ITPR1: variants seen among roughly 807,000 people sequenced by gnomAD.
ITPR1 encodes the protein inositol 1,4,5-trisphosphate-gated calcium channel ITPR1.
ITPR1 carries 96 observed loss-of-function variants against 318.4 expected under a neutral mutation model. The observed-to-expected ratio is 0.30, with a 90% CI of 0.26 to 0.36. ITPR1 has a LOEUF of 0.36. ITPR1 is among the 10% of genes least tolerant of loss of function. The pLI is 1.00. For missense variants in ITPR1, 2,440 were observed against 3,460.2 expected, an observed-to-expected ratio of 0.71 and a Z score of 7.40; for synonymous variants, 1,312 against 1,289.9, an observed-to-expected ratio of 1.02 and a Z score of -0.37.
At chr3:4,605,120 C>T (rs960335226) in intron 4 of ITPR1, among the ~76,000 whole-genome samples, 21 of 152,092 alleles carry the variant, frequency 1.4e-4, no homozygotes, top group Admixed American at 6.5e-4. Flanking sequence ...TAGAGGCACA[C>T]GCCACCATGC....
chr3:4,777,356 C>A lies in ITPR1; in HGVS notation c.6273C>A (p.Asp2091Glu). 2 of 1,594,874 alleles carry A rather than the reference C, an allele frequency of 1.3e-6. No individual in the cohort carries two copies. The highest frequency in any genetic ancestry group is 1.7e-6 in the Non-Finnish European group (2 of 1,167,804). Residue 2091 changes from aspartate (D) to glutamate (E), a missense_variant, in exon 48 of 62, where the codon GAC becomes GAA. Around this residue, in one of 23 missense-constraint regions of ITPR1, gnomAD observed 76 missense variants for 162.1 expected, o/e 0.47. Transcript: ENST00000649015. ...DINPLGKKRM[D>E]LVLELKNNAS... is the part of the protein sequence containing the mutation. The stretch of plus-strand genomic sequence containing the variant: ...ATCCTTTGGGAAAGAAGAGGATGGA[C>A]CTTGTGTTAGAACTGAAGGCAAGTA...
At chr3:4,588,645 T>G (rs561193414) in intron 4 of ITPR1, among the ~76,000 whole-genome samples, 7 of 152,264 alleles carry the variant, frequency 4.6e-5, no homozygotes, top group African/African-American at 1.7e-4. Flanking sequence ...CTAACAGATT[T>G]GTTTCTCCAG....
intron 61 of ITPR1, among the ~76,000 whole-genome samples, chr3:4,840,666 T>C (rs2051278675): frequency 6.6e-6 from 1 of 152,218 alleles, no homozygotes; most frequent in Admixed American, 6.5e-5. Context: ...ACTTTTTCTA[T>C]TATTGCCAAG....
At chr3:4,713,073 C>G (rs150972175) in intron 39 of ITPR1, among the ~76,000 whole-genome samples, 20 of 151,822 alleles carry the variant, frequency 1.3e-4, no homozygotes, top group African/African-American at 4.8e-4. Flanking sequence ...CTCTTAAAAA[C>G]AAGAAAAGAA....
At chr3:4,718,093 A>AT (rs948014067) in intron 40 of ITPR1, among the ~76,000 whole-genome samples, 1 of 152,112 alleles carries the variant, frequency 6.6e-6, no homozygotes, top group African/African-American at 2.4e-5. Context: ...ACTAGTGGTC[A>AT]TTTTGTTTGG....
At chr3:4,764,652 G>T (rs2045689000) in intron 44 of ITPR1, among the ~76,000 whole-genome samples, 1 of 152,242 alleles carries the variant, frequency 6.6e-6, no homozygotes. Flanking sequence ...GGCATTGGTG[G>T]TGGGCCCAAA....
chr3:4,746,807 A>G (rs1376886166), intron 44 of ITPR1, among the ~76,000 whole-genome samples: 2 of 152,220 alleles, frequency 1.3e-5, no homozygotes, highest in African/African-American at 2.4e-5. Context: ...AACACATCGT[A>G]ACAGCTCATC....
chr3:4,567,892 C>T (rs559358159), intron 4 of ITPR1, among the ~76,000 whole-genome samples: 1 of 152,284 alleles, frequency 6.6e-6, no homozygotes, highest in East Asian at 1.9e-4. Flanking sequence ...GTGTGAGCCA[C>T]CGTGCCCCAC....
At chr3:4,736,277 A>G (rs1213540355) in intron 44 of ITPR1, among the ~76,000 whole-genome samples, 1 of 152,244 alleles carries the variant, frequency 6.6e-6, no homozygotes, top group South Asian at 2.1e-4. Flanking sequence ...TTGACCTGAC[A>G]TATTCTTGGC....
chr3:4,550,065 T>A (rs2085402961), intron 4 of ITPR1, among the ~76,000 whole-genome samples: 2 of 152,186 alleles, frequency 1.3e-5, no homozygotes, highest in Non-Finnish European at 2.9e-5. Context: ...GGATTTCCTG[T>A]GCTTTCAGTC....
At chr3:4,527,843 A>G (rs2083104971) in intron 4 of ITPR1, among the ~76,000 whole-genome samples, 1 of 152,130 alleles carries the variant, frequency 6.6e-6, no homozygotes, top group Non-Finnish European at 1.5e-5. Context: ...TGCTGGCACC[A>G]TGTTAGCCCC....
At chr3:4,800,863 A>G (rs1187419367) in intron 54 of ITPR1, among the ~76,000 whole-genome samples, 1 of 152,230 alleles carries the variant, frequency 6.6e-6, no homozygotes, top group Non-Finnish European at 1.5e-5. Flanking sequence ...AGATAGGCAG[A>G]AAAAGTGGTA....
intron 4 of ITPR1, among the ~76,000 whole-genome samples, chr3:4,605,608 T>C (rs995605586): frequency 2.6e-5 from 4 of 152,194 alleles, no homozygotes; most frequent in Admixed American, 2.0e-4. Context: ...GTATGTATTA[T>C]ACATGCAGAA....
At chr3:4,819,016 G>T (rs1482715943) in intron 60 of ITPR1, among the ~76,000 whole-genome samples, 3 of 152,188 alleles carry the variant, frequency 2.0e-5, no homozygotes, top group Non-Finnish European at 4.4e-5. Context: ...CTGCCTCTGA[G>T]GAGAAGGGGC....
At chr3:4,823,948 C>T (rs576524523) in intron 60 of ITPR1, among the ~76,000 whole-genome samples, 13 of 152,202 alleles carry the variant, frequency 8.5e-5, no homozygotes, top group African/African-American at 3.1e-4. Context: ...GAATTCTGCC[C>T]GGTTAACATA....
chr3:4,588,385 A>G (rs1327222672), intron 4 of ITPR1, among the ~76,000 whole-genome samples: 1 of 151,280 alleles, frequency 6.6e-6, no homozygotes, highest in East Asian at 1.9e-4. Flanking sequence ...TTTTAATATT[A>G]CACTGGGTTT....
chr3:4,748,083 A>C (rs555960771), intron 44 of ITPR1, among the ~76,000 whole-genome samples: 5 of 152,334 alleles, frequency 3.3e-5, no homozygotes, highest in African/African-American at 1.2e-4. Flanking sequence ...TAGGTACTCT[A>C]TCTGGGCTAC....
In ITPR1 at chr3:4,794,620, G is replaced by A. The variant is rs559169625; in HGVS notation, c.6809-445G>A. Among the ~76,000 whole-genome samples the A allele has an allele frequency of 3.9e-5, 6 of 152,276 alleles. No individual in the cohort carries two copies. In the South Asian group the frequency reaches 6.2e-4, roughly 16 times the overall value. The stretch of plus-strand genomic sequence containing the variant: ...CCCAGCGGGGCTGACTCTGAATGCT[G>A]TATCTCCCCCACCCCTCCCCAGTGC... On this transcript the variant is annotated intron_variant, in intron 52 of 61. Coordinates refer to ENST00000649015, the MANE Select transcript of ITPR1 (RefSeq NM_001378452.1).
chr3:4,728,015 G>A (rs2042647132), intron 42 of ITPR1, among the ~76,000 whole-genome samples: 1 of 152,162 alleles, frequency 6.6e-6, no homozygotes, highest in Admixed American at 6.5e-5. Flanking sequence ...ATTTAGTACT[G>A]GATCTGAGCA....
Sources: allele counts gnomAD v4.1 joint callset (sites outside exome capture counted in the v4.1 genomes callset), GRCh38; gene constraint gnomAD v4.1.1; regional missense constraint gnomAD v4.1.1; transcripts MANE v1.5; gene names NCBI Gene and HGNC (gene_info 2026-07-23, HGNC 2026-07-21).